The following TSHZ2 variants were observed in gnomAD, a reference collection of about 807,000 sequenced individuals.
TSHZ2 encodes teashirt zinc finger homeobox 2.
Under a neutral mutation model 74.4 loss-of-function variants are expected in TSHZ2, and 21 were observed. The observed-to-expected ratio is 0.28, with a 90% confidence interval of 0.20 to 0.41. The LOEUF (loss-of-function observed/expected upper bound fraction) is 0.41. Among genes scored for constraint, TSHZ2 ranks in the 10% least tolerant of loss-of-function variants. TSHZ2 has a pLI of 1.00. For missense variants in TSHZ2, 1,244 were observed against 1,293.5 expected, an observed-to-expected ratio of 0.96 and a Z score of 0.59; for synonymous variants, 540 against 515.3, an observed-to-expected ratio of 1.05 and a Z score of -0.65.
At chr20:53,288,027 A>C (rs973210042) in intron 2 of TSHZ2, among the ~76,000 whole-genome samples, 4 of 152,166 alleles carry the variant, frequency 2.6e-5, no homozygotes, top group Non-Finnish European at 4.4e-5. Context: ...GAGGCTGGCC[A>C]TAGAGGAAAC....
chr20:53,348,294 C>T (rs1438638888), intron 2 of TSHZ2, among the ~76,000 whole-genome samples: 1 of 152,066 alleles, frequency 6.6e-6, no homozygotes, highest in Non-Finnish European at 1.5e-5. Flanking sequence ...ATGGAATAGC[C>T]ATAAAAGGGA....
chr20:53,272,262 G>A (rs1450311674), intron 2 of TSHZ2, among the ~76,000 whole-genome samples: 3 of 151,994 alleles, frequency 2.0e-5, no homozygotes, highest in Non-Finnish European at 2.9e-5. Flanking sequence ...TGCCTGCCTC[G>A]GCCTCCCAAA....
chr20:53,023,346 C>T lies in TSHZ2; in HGVS notation c.40+50013C>T, dbSNP rs143966714. Among the ~76,000 whole-genome samples, 583 of 152,242 alleles carry T rather than the reference C, an allele frequency of 3.8e-3. 4 individuals are homozygous for T. The highest frequency in any genetic ancestry group is 0.013 in the African/African-American group (538 of 41,530). On this transcript the variant is annotated intron_variant, in intron 1 of 2. Coordinates refer to ENST00000371497, the MANE Select transcript of TSHZ2 (RefSeq NM_173485.6). ...CAATGGGAAATGACAGAAATTGCAG[C>T]GGGAAGCAGAATTTTATCCAAATGT...
intron 2 of TSHZ2, among the ~76,000 whole-genome samples, chr20:53,287,534 C>T (rs145645717): frequency 1.9e-4 from 29 of 152,272 alleles, no homozygotes; most frequent in African/African-American, 6.7e-4. Context: ...CTGAACCCAC[C>T]GCATCCCACA....
At chr20:52,987,576 T>C (rs1245363022) in intron 1 of TSHZ2, among the ~76,000 whole-genome samples, 2 of 151,954 alleles carry the variant, frequency 1.3e-5, no homozygotes, top group African/African-American at 4.8e-5. Flanking sequence ...AAAGCACTTA[T>C]ATTTTAAAAG....
At chr20:53,155,625 A>G (rs1461943902) in intron 1 of TSHZ2, among the ~76,000 whole-genome samples, 1 of 152,030 alleles carries the variant, frequency 6.6e-6, no homozygotes, top group Non-Finnish European at 1.5e-5. Context: ...AACTCAATGC[A>G]CAATATCTTC....
At chr20:53,133,872 CA>C (rs1481254106) in intron 1 of TSHZ2, among the ~76,000 whole-genome samples, 3 of 148,690 alleles carry the variant, frequency 2.0e-5, no homozygotes, top group Non-Finnish European at 4.4e-5. Flanking sequence ...ACCCTTTGAC[CA>C]ATAGAACAAG....
Position 53,149,528 on chromosome 20 carries a change from A to G in TSHZ2, c.41-103971A>G, listed in dbSNP as rs141450920. On this transcript the variant is annotated intron_variant, in intron 1 of 2. Coordinates refer to ENST00000371497, the MANE Select transcript of TSHZ2 (RefSeq NM_173485.6). The stretch of plus-strand genomic sequence containing the variant: ...TTAAAGTTCTTGAGCTGCCAATGCA[A>G]GGATCTGCTTTAGTTCAGTTCTAGT... Among the ~76,000 whole-genome samples the G allele has an allele frequency of 1.3e-3, 203 of 152,318 alleles. 1 individual carries two copies. Among genetic ancestry groups the G allele is most frequent in the Admixed American group, 3.1e-3 (48 of 15,302 alleles).
At chr20:52,993,307 T>C (rs774433772) in intron 1 of TSHZ2, among the ~76,000 whole-genome samples, 5 of 152,256 alleles carry the variant, frequency 3.3e-5, no homozygotes, top group Non-Finnish European at 5.9e-5. Flanking sequence ...CAGTGTTTTA[T>C]GTGCCCTGAT....
chr20:53,332,115 G>A (rs1400256092), intron 2 of TSHZ2, among the ~76,000 whole-genome samples: 1 of 152,172 alleles, frequency 6.6e-6, no homozygotes, highest in East Asian at 1.9e-4. Flanking sequence ...GCACCCCACT[G>A]AAGATTCTGG....
intron 1 of TSHZ2, among the ~76,000 whole-genome samples, chr20:52,982,759 T>C (rs1176243533): frequency 6.6e-6 from 1 of 152,006 alleles, no homozygotes; most frequent in African/African-American, 2.4e-5. Context: ...TAGAGTATGA[T>C]GGAGGGTTGC....
intron 2 of TSHZ2, among the ~76,000 whole-genome samples, chr20:53,287,891 T>C (rs970541592): frequency 1.3e-5 from 2 of 152,170 alleles, no homozygotes; most frequent in Admixed American, 1.3e-4. Context: ...AAATGGAAAA[T>C]TTTATATTCT....
At chr20:53,102,638 G>T (rs1183796437) in intron 1 of TSHZ2, among the ~76,000 whole-genome samples, 3 of 152,084 alleles carry the variant, frequency 2.0e-5, no homozygotes, top group Admixed American at 6.5e-5. Context: ...ATATGTTTTG[G>T]GTTCTACAAT....
At chr20:53,264,125 T>C (rs1344776289) in intron 2 of TSHZ2, among the ~76,000 whole-genome samples, 2 of 152,246 alleles carry the variant, frequency 1.3e-5, no homozygotes, top group Admixed American at 1.3e-4. Context: ...GCTTGTGAAA[T>C]GGTGTGTGTT....
intron 1 of TSHZ2, among the ~76,000 whole-genome samples, chr20:53,081,165 G>A (rs1001100984): frequency 5.9e-5 from 9 of 152,052 alleles, no homozygotes; most frequent in Non-Finnish European, 1.3e-4. Context: ...ACAGGCATGT[G>A]CCACCACACC....
intron 1 of TSHZ2, among the ~76,000 whole-genome samples, chr20:53,106,514 C>T (rs931019246): frequency 6.8e-6 from 1 of 147,162 alleles, no homozygotes; most frequent in Admixed American, 7.0e-5. Flanking sequence ...ACGCCATTCT[C>T]CTGCCTCAGC....
chr20:53,040,880 G>T (rs1984017006), intron 1 of TSHZ2, among the ~76,000 whole-genome samples: 1 of 152,152 alleles, frequency 6.6e-6, no homozygotes, highest in South Asian at 2.1e-4. Context: ...CTGGCACGGT[G>T]CCAAGTATGA....
At chr20:53,404,443 C>T (rs1240211141) in intron 2 of TSHZ2, among the ~76,000 whole-genome samples, 1 of 152,130 alleles carries the variant, frequency 6.6e-6, no homozygotes, top group Non-Finnish European at 1.5e-5. Context: ...ATACCCATTC[C>T]TTTTCAGACA....
chr20:53,408,241 G>A (rs750059669), intron 2 of TSHZ2, among the ~76,000 whole-genome samples: 3 of 152,174 alleles, frequency 2.0e-5, no homozygotes, highest in Admixed American at 1.3e-4. Flanking sequence ...AGCCCTTTGA[G>A]GAAGGGTCCT....
Sources: gnomAD v4.1 joint callset for allele counts (sites outside exome capture counted in the v4.1 genomes callset) on GRCh38, gnomAD v4.1.1 for gene constraint, MANE v1.5 for transcripts, NCBI Gene and HGNC (gene_info 2026-07-23, HGNC 2026-07-21) for gene names.